The following NRG3 variants were observed in gnomAD, a reference collection of about 807,000 sequenced individuals.
The protein encoded by NRG3 is neuregulin 3.
NRG3 carries 31 observed loss-of-function variants against 66.9 expected under a neutral mutation model. The ratio of observed to expected loss-of-function variants is 0.46; its 90% CI spans 0.35 to 0.63. The LOEUF (loss-of-function observed/expected upper bound fraction) is 0.63, where lower values mean the gene tolerates loss of function less well. NRG3 is among the 20% of genes least tolerant of loss of function. The pLI is 0.00. For missense variants in NRG3, 910 were observed against 878.9 expected (o/e 1.04, Z -0.45); for synonymous variants, 393 against 359.4 (o/e 1.09, Z -1.06).
intron 1 of NRG3, among the ~76,000 whole-genome samples, chr10:82,188,565 G>A (rs576140380): frequency 3.9e-5 from 6 of 151,948 alleles, no homozygotes; most frequent in East Asian, 1.9e-4. Flanking sequence ...ACAAGGAATC[G>A]ATAACCAGAA....
At chr10:82,003,912 G>A (rs549276334) in intron 1 of NRG3, among the ~76,000 whole-genome samples, 15 of 151,584 alleles carry the variant, frequency 9.9e-5, no homozygotes, top group South Asian at 2.1e-4. Context: ...CAGCTACTCC[G>A]GAGGCTGAAG....
intron 3 of NRG3, among the ~76,000 whole-genome samples, chr10:82,847,782 C>A (rs188503057): frequency 2.0e-5 from 3 of 152,264 alleles, no homozygotes; most frequent in Admixed American, 1.3e-4. Flanking sequence ...TCAGTAGAAA[C>A]CTTGAGATGC....
intron 1 of NRG3, among the ~76,000 whole-genome samples, chr10:81,976,702 G>A (rs991836319): frequency 2.0e-5 from 3 of 152,162 alleles, no homozygotes; most frequent in Non-Finnish European, 4.4e-5. Context: ...ATTGTTCTAA[G>A]GCGTCCAGAG....
At position 82,112,794 on chromosome 10, in the gene NRG3, C is replaced by T. The variant is rs138879935; in HGVS notation, c.823+236631C>T. On this transcript the variant is annotated intron_variant, in intron 1 of 8. Transcript: ENST00000372141. ...CATAGTCACCTGATTTTTGCCAGGT[C>T]GTGACCATGCTTTGTTTGCAATGGA... Among the ~76,000 whole-genome samples the T allele has an allele frequency of 1.4e-4, 22 of 152,164 alleles. 1 individual carries two copies. The highest frequency in any genetic ancestry group is 2.6e-4 in the Non-Finnish European group (18 of 68,008).
chr10:82,074,904 A>G (rs917839665), intron 1 of NRG3, among the ~76,000 whole-genome samples: 1 of 152,174 alleles, frequency 6.6e-6, no homozygotes, highest in Non-Finnish European at 1.5e-5. Context: ...CTCCAATATG[A>G]CTTTATCAAA....
rs185898000 is a variant in NRG3 at position 82,723,807 on chromosome 10, C to T, written c.954-14770C>T. The stretch of plus-strand genomic sequence containing the variant: ...CCAAACTGGCCAACATGGTGAAACC[C>T]CATCTCTACCAAAAATACAAAAATT... On this transcript the variant is annotated intron_variant, in intron 2 of 8. Transcript: ENST00000372141. 6.5e-3 allele frequency among the ~76,000 whole-genome samples: 979 copies of T among 151,752 alleles called. 10 individuals carry two copies. Among genetic ancestry groups the T allele is most frequent in the Middle Eastern group, 0.028 (8 of 290 alleles).
chr10:82,349,670 G>C (rs932943044), intron 1 of NRG3, among the ~76,000 whole-genome samples: 2 of 152,040 alleles, frequency 1.3e-5, no homozygotes, highest in South Asian at 2.1e-4. Flanking sequence ...CAACCTCGCT[G>C]CCGCCTTGCA....
intron 1 of NRG3, among the ~76,000 whole-genome samples, chr10:82,288,639 TA>T (rs1245056081): frequency 2.0e-5 from 3 of 152,018 alleles, no homozygotes; most frequent in Non-Finnish European, 2.9e-5. Flanking sequence ...GTAGGGTGGA[TA>T]AAAAAGTGAA....
intron 3 of NRG3, among the ~76,000 whole-genome samples, chr10:82,845,148 G>T (rs2063247647): frequency 6.6e-6 from 1 of 152,102 alleles, no homozygotes; most frequent in Admixed American, 6.6e-5. Flanking sequence ...AAGCGAGACT[G>T]CATCTCAAAA....
At chr10:82,561,161 A>G (rs935943881) in intron 2 of NRG3, among the ~76,000 whole-genome samples, 1 of 152,192 alleles carries the variant, frequency 6.6e-6, no homozygotes, top group Non-Finnish European at 1.5e-5. Context: ...ATTTAAAAAG[A>G]AAGCTAGACT....
chr10:82,176,042 G>A (rs1377608167), intron 1 of NRG3, among the ~76,000 whole-genome samples: 2 of 152,128 alleles, frequency 1.3e-5, no homozygotes, highest in African/African-American at 4.8e-5. Context: ...GTGTTCATAA[G>A]ACATTACCCT....
At chr10:81,945,661 C>A (rs1464398464) in intron 1 of NRG3, among the ~76,000 whole-genome samples, 2 of 152,092 alleles carry the variant, frequency 1.3e-5, no homozygotes, top group African/African-American at 4.8e-5. Context: ...GAATTGTGTC[C>A]TTTCAACCCC....
intron 3 of NRG3, among the ~76,000 whole-genome samples, chr10:82,761,477 C>T (rs2059301526): frequency 6.6e-6 from 1 of 152,030 alleles, no homozygotes. Context: ...AAATTGGAAT[C>T]AAAGCTGCAA....
In NRG3 at chr10:82,212,409, C is replaced by T. The variant is rs578246669; in HGVS notation, c.824-146330C>T. Among the ~76,000 whole-genome samples the T allele has an allele frequency of 3.9e-5, 6 of 152,292 alleles. No homozygotes were observed. The East Asian group carries it at 1.2e-3, about 29-fold the overall frequency. On this transcript the variant is annotated intron_variant, in intron 1 of 8. Coordinates refer to ENST00000372141, the MANE Select transcript of NRG3 (RefSeq NM_001010848.4). ...ATCATGATTCCACACACTTTAATTT[C>T]AACTACTGTTTTGAACTTAACACTT... is the stretch of plus-strand genomic sequence containing the variant.
At chr10:82,846,358 A>C (rs186993723) in intron 3 of NRG3, among the ~76,000 whole-genome samples, 1 of 152,334 alleles carries the variant, frequency 6.6e-6, no homozygotes, top group Admixed American at 6.5e-5. Context: ...AGGATATTTA[A>C]TTTCAGCATT....
At chr10:82,580,415 A>G (rs1209309561) in intron 2 of NRG3, among the ~76,000 whole-genome samples, 1 of 151,928 alleles carries the variant, frequency 6.6e-6, no homozygotes, top group Non-Finnish European at 1.5e-5. Context: ...TATTAACTGA[A>G]GTCCGTAGTT....
intron 2 of NRG3, among the ~76,000 whole-genome samples, chr10:82,530,454 T>C (rs1299183952): frequency 6.6e-6 from 1 of 152,078 alleles, no homozygotes; most frequent in East Asian, 1.9e-4. Context: ...CGTTTCTCTC[T>C]ACAAGGCTTA....
At chr10:82,818,979 G>A (rs1258490313) in intron 3 of NRG3, among the ~76,000 whole-genome samples, 2 of 152,000 alleles carry the variant, frequency 1.3e-5, no homozygotes, top group African/African-American at 4.8e-5. Flanking sequence ...TAAAAAAGTG[G>A]ATTTACTTTG....
intron 2 of NRG3, among the ~76,000 whole-genome samples, chr10:82,703,234 T>A (rs2820113): frequency 0.91 from 137,928 of 152,170 alleles, 62,594 homozygotes; most frequent in East Asian, 1. Flanking sequence ...TTTTAGGGGG[T>A]TCTATGCTAA....
Sources: allele counts gnomAD v4.1 joint callset (sites outside exome capture counted in the v4.1 genomes callset), GRCh38; gene constraint gnomAD v4.1.1; transcripts MANE v1.5; gene names NCBI Gene and HGNC (gene_info 2026-07-23, HGNC 2026-07-21).